SNX29: variants seen among roughly 807,000 people sequenced by gnomAD.
The protein encoded by SNX29 is sorting nexin-29.
Under a neutral mutation model 102.1 loss-of-function variants are expected in SNX29, and 78 were observed. The ratio of observed to expected loss-of-function variants is 0.76; its 90% CI spans 0.64 to 0.92. SNX29 has a LOEUF of 0.92. Ranked by LOEUF, SNX29 falls within the 40% of genes least tolerant of loss-of-function variation. The pLI, the probability that SNX29 is intolerant of heterozygous loss-of-function variation, is 0.00. For missense variants in SNX29, 1,280 were observed against 1,061.7 expected, an observed-to-expected ratio of 1.21 and a Z score of -2.86; for synonymous variants, 580 against 414.5, an observed-to-expected ratio of 1.40 and a Z score of -4.85.
intron 20 of SNX29, among the ~76,000 whole-genome samples, chr16:12,558,469 C>G (rs1025659970): frequency 2.6e-5 from 4 of 152,192 alleles, no homozygotes; most frequent in Non-Finnish European, 5.9e-5. Flanking sequence ...TAATGCCATC[C>G]TTTAAAGTTA....
intron 14 of SNX29, among the ~76,000 whole-genome samples, chr16:12,200,513 C>T (rs918372316): frequency 4.6e-5 from 7 of 151,258 alleles, no homozygotes; most frequent in African/African-American, 1.7e-4. Flanking sequence ...GACAGAGCCT[C>T]ACTCTACCGC....
At chr16:12,104,495 G>A (rs900161208) in intron 11 of SNX29, among the ~76,000 whole-genome samples, 1 of 152,084 alleles carries the variant, frequency 6.6e-6, no homozygotes, top group Non-Finnish European at 1.5e-5. Context: ...GGCAGAGGTT[G>A]CAGTGAGCTG....
At chr16:12,563,413 ATTT>A in intron 20 of SNX29, among the ~76,000 whole-genome samples, 1 of 152,164 alleles carries the variant, frequency 6.6e-6, no homozygotes, top group Non-Finnish European at 1.5e-5. Context: ...TGGCGACTGG[ATTT>A]TGTTCCTTGC....
chr16:12,189,197 A>G (rs567568314), intron 13 of SNX29, among the ~76,000 whole-genome samples: 2 of 152,364 alleles, frequency 1.3e-5, no homozygotes, highest in South Asian at 4.1e-4. Flanking sequence ...ACAATATAAC[A>G]ATCAGAATTA....
At chr16:12,567,633 G>A (rs1044331973) in intron 20 of SNX29, among the ~76,000 whole-genome samples, 4 of 152,108 alleles carry the variant, frequency 2.6e-5, no homozygotes, top group Non-Finnish European at 5.9e-5. Context: ...ATGGTGGCTA[G>A]TACCTATAGT....
intron 8 of SNX29, chr16:12,053,369 A>G (rs1419548149): frequency 2.0e-5 from 3 of 151,412 alleles, no homozygotes; most frequent in African/African-American, 4.9e-5. Flanking sequence ...GTGCCCTCCT[A>G]ATCATGACTA....
intron 13 of SNX29, among the ~76,000 whole-genome samples, chr16:12,163,894 T>C (rs775745357): frequency 6.6e-6 from 1 of 151,890 alleles, no homozygotes; most frequent in African/African-American, 2.4e-5. Flanking sequence ...GTGTCCAGAT[T>C]TGGACATTCT....
intron 11 of SNX29, among the ~76,000 whole-genome samples, chr16:12,125,746 C>T (rs1408121404): frequency 6.6e-6 from 1 of 151,176 alleles, no homozygotes; most frequent in African/African-American, 2.4e-5. Context: ...CATGAGCCAC[C>T]GTGCCCGGCC....
chr16:12,261,676 G>A (rs1289193783), intron 14 of SNX29, among the ~76,000 whole-genome samples: 1 of 116,076 alleles, frequency 8.6e-6, no homozygotes, highest in Non-Finnish European at 1.7e-5. Flanking sequence ...ACGTGTCCCC[G>A]GCTGGAGTGA....
chr16:12,132,995 C>T (rs776542941), intron 13 of SNX29, among the ~76,000 whole-genome samples: 34 of 152,260 alleles, frequency 2.2e-4, no homozygotes, highest in Middle Eastern at 3.4e-3. Flanking sequence ...GTGGCTTGCT[C>T]GGGCAGTTGT....
At chr16:12,477,636 T>C in intron 18 of SNX29, 83 bp from the exon 19 acceptor site, 1 of 1,544,240 alleles carries the variant, frequency 6.5e-7, no homozygotes, top group Admixed American at 2.0e-5. Context: ...CTGCAGTTGG[T>C]TTTCATGGGG....
intron 16 of SNX29, among the ~76,000 whole-genome samples, chr16:12,392,349 C>T (rs1023451334): frequency 6.6e-6 from 1 of 152,174 alleles, no homozygotes; most frequent in Non-Finnish European, 1.5e-5. Context: ...GTCCATCACT[C>T]TTTATTTCTT....
At chr16:12,558,423 A>T (rs192234838) in intron 20 of SNX29, among the ~76,000 whole-genome samples, 1 of 152,360 alleles carries the variant, frequency 6.6e-6, no homozygotes, top group East Asian at 1.9e-4. Context: ...GTGAAAGCTG[A>T]CATCTAGAAA....
intron 1 of SNX29, among the ~76,000 whole-genome samples, chr16:11,991,250 G>T (rs567429307): frequency 9.2e-5 from 14 of 152,302 alleles, no homozygotes; most frequent in African/African-American, 3.4e-4. Context: ...GTCATTTATT[G>T]TGTATTCATC....
intron 16 of SNX29, among the ~76,000 whole-genome samples, chr16:12,369,844 TC>T (rs1465059337): frequency 6.6e-6 from 1 of 152,228 alleles, no homozygotes; most frequent in Non-Finnish European, 1.5e-5. Context: ...AGGGTTCACT[TC>T]TTGTTAGTCA....
chr16:12,550,846 C>T (rs192678325), intron 20 of SNX29, among the ~76,000 whole-genome samples: 7 of 152,210 alleles, frequency 4.6e-5, no homozygotes, highest in African/African-American at 1.4e-4. Flanking sequence ...GATTTTTGAG[C>T]AGTATTTTCA....
In SNX29 at chr16:12,204,957, C is replaced by T. The variant is rs1050878214; in HGVS notation, c.1678+5274C>T. 3.8e-4 allele frequency among the ~76,000 whole-genome samples: 58 copies of T among 152,178 alleles called. 1 individual carries two copies. The highest frequency in any genetic ancestry group is 1.3e-3 in the African/African-American group (53 of 41,434). On this transcript the variant is annotated intron_variant, in intron 14 of 20. Transcript: ENST00000566228. Reference sequence around the variant, plus strand: ...TCCACACCCATGTGCGCTTTGTGCTCTCACTGGGGTGTCAGTTTCCCTGGG... The same window carrying T: ...TCCACACCCATGTGCGCTTTGTGCTTTCACTGGGGTGTCAGTTTCCCTGGG...
In SNX29 at chr16:12,255,600, A is replaced by G. The variant is rs139641892; in HGVS notation, c.1679-22333A>G. ...TTCTGCTCTCTGCTTCTATGCTCAT[A>G]AGATTCCATATGAGTGAGATCATGT... On this transcript the variant is annotated intron_variant, in intron 14 of 20. Transcript: ENST00000566228. Among the ~76,000 whole-genome samples the G allele has an allele frequency of 2.6e-3, 371 of 143,514 alleles. 2 individuals are homozygous for G. The highest frequency in any genetic ancestry group is 0.01 in the African/African-American group (349 of 34,844). 94.2% of individuals were successfully genotyped at this position (143,514 alleles called of 152,430 possible).
chr16:12,298,440 C>A (rs1027240638), intron 15 of SNX29, among the ~76,000 whole-genome samples: 1 of 152,176 alleles, frequency 6.6e-6, no homozygotes, highest in Admixed American at 6.5e-5. Context: ...TTATACCTTT[C>A]TTTGCCATGA....
Sources: allele counts gnomAD v4.1 joint callset (sites outside exome capture counted in the v4.1 genomes callset), GRCh38; gene constraint gnomAD v4.1.1; transcripts MANE v1.5; gene names NCBI Gene and HGNC (gene_info 2026-07-23, HGNC 2026-07-21).